PCDH12: variants seen among roughly 807,000 people sequenced by gnomAD.
The protein encoded by PCDH12 is protocadherin 12.
In PCDH12, 45 loss-of-function variants were observed where a neutral mutation model predicts 70.9. The observed-to-expected ratio is 0.63, with a 90% CI of 0.50 to 0.81. PCDH12 has a LOEUF of 0.81. Ranked by LOEUF, PCDH12 falls within the 40% of genes least tolerant of loss-of-function variation. PCDH12 has a pLI of 0.00. For missense variants in PCDH12, 1,370 were observed against 1,491.7 expected (o/e 0.92, Z 1.34); for synonymous variants, 567 against 626.0 (o/e 0.91, Z 1.41).
At position 141,953,475 on chromosome 5, in the gene PCDH12, G is replaced by C. The variant is rs975641536; in HGVS notation, c.2880+1497C>G. 2.0e-5 allele frequency: 3 copies of C among 152,326 alleles called. No individual in the cohort carries two copies. In the East Asian group the frequency reaches 5.8e-4, roughly 29 times the overall value. 9.4% of individuals were successfully genotyped at this position (152,326 alleles called of 1,614,324 possible). On this transcript the variant is annotated intron_variant, in intron 1 of 3. Coordinates refer to ENST00000231484, the MANE Select transcript of PCDH12 (RefSeq NM_016580.4). ...AGAGGTGGAATTGGAGGCTCACAGG[G>C]GCTACACAGAAATTAGTGGGAGGGC...
At chr5:141,945,856 G>T in intron 3 of PCDH12, 51 bp from the exon 4 acceptor site, 2 of 1,550,974 alleles carry the variant, frequency 1.3e-6, no homozygotes. Context: ...GGAAGGGCCA[G>T]GCGGGTGAGG....
intron 1 of PCDH12, chr5:141,952,890 A>C (rs1324044514): frequency 6.6e-6 from 1 of 152,218 alleles, no homozygotes; most frequent in African/African-American, 2.4e-5. Context: ...GAGGTCCACC[A>C]TGCCCCTCTG....
Position 141,958,139 on chromosome 5 carries a change from G to A in PCDH12, c.-288C>T. 2.4e-6 allele frequency: 1 copy of A among 412,072 alleles called. No homozygotes were observed. Among genetic ancestry groups the A allele is most frequent in the Non-Finnish European group, 4.4e-6 (1 of 229,050 alleles). 25.5% of individuals were successfully genotyped at this position (412,072 alleles called of 1,614,324 possible). A position where few individuals can be genotyped will look rare whatever the true frequency, so the allele number is the denominator to read the frequency against. ...CTTCAGCAAATGATGGACAAGAGCT[G>A]GTCTAAGAGGGACCTGACCCAGTTG... On this transcript the variant is annotated 5_prime_UTR_variant, in exon 1 of 4. Coordinates refer to ENST00000231484, the MANE Select transcript of PCDH12 (RefSeq NM_016580.4).
chr5:141,956,782 G>A lies in PCDH12; in HGVS notation c.1070C>T (p.Ala357Val), dbSNP rs781085245. The A allele has an allele frequency of 1.9e-6, 3 of 1,614,228 alleles. No individual in the cohort carries two copies. Among genetic ancestry groups the A allele is most frequent in the Middle Eastern group, 1.7e-4 (1 of 6,060 alleles). The change falls in exon 1 of 4, where the codon GCC (alanine) becomes GTC (valine). Residue 357 changes from alanine (A) to valine (V), a missense_variant. Ala to Val is a moderately conservative substitution (Grantham distance 64). Transcript: ENST00000231484. ...DNIPSIHVTW[A>V]SQPSLVSEAL... ...TTCTGACACCAGTGATGGCTGGGAGGCCCATGTGACGTGGATGCTTGGGAT... is the reference window on the plus strand; with the variant it reads ...TTCTGACACCAGTGATGGCTGGGAGACCCATGTGACGTGGATGCTTGGGAT...
chr5:141,945,841 C>A (rs1309782332), intron 3 of PCDH12, 36 bp from the exon 4 acceptor site: 7 of 1,588,134 alleles, frequency 4.4e-6, no homozygotes, highest in South Asian at 3.5e-5. Context: ...GAGGGCCAGG[C>A]TCCGGGAAGG....
intron 3 of PCDH12, among the ~76,000 whole-genome samples, chr5:141,949,065 T>A (rs1249107374): frequency 1.5e-5 from 2 of 129,360 alleles, no homozygotes; most frequent in African/African-American, 2.9e-5. Context: ...AAAAAAAAAA[T>A]CAAAAATTAG....
intron 3 of PCDH12, chr5:141,949,197 T>A (rs1434210543): frequency 5.1e-6 from 2 of 393,564 alleles, no homozygotes; most frequent in Non-Finnish European, 6.9e-6. Flanking sequence ...ATCATGCCAC[T>A]GTACTCCAGC....
In PCDH12 at chr5:141,945,723, G is replaced by A; in HGVS notation, c.3213C>T (p.Asp1071=). ...CTGCAGCATCCGGGGAGATCACATT[G>A]TCACGGTAGTTGGTGGTGAGGGGCA... The part of the protein sequence containing the change: ...LSLPLTTNYR[D]NVISPDAAAT... The change falls in exon 4 of 4, where the codon GAC becomes GAT. Residue 1071 remains aspartate, a synonymous_variant. Coordinates refer to ENST00000231484, the MANE Select transcript of PCDH12 (RefSeq NM_016580.4). 5 of 1,614,152 alleles carry A rather than the reference G, an allele frequency of 3.1e-6. No homozygotes were observed. The highest frequency in any genetic ancestry group is 4.2e-6 in the Non-Finnish European group (5 of 1,180,036).
In PCDH12 at chr5:141,949,597, C is replaced by T; in HGVS notation, c.2979-14G>A. 1 of 1,612,102 alleles carries T rather than the reference C, an allele frequency of 6.2e-7. No individual in the cohort carries two copies. The highest frequency in any genetic ancestry group is 8.5e-7 in the Non-Finnish European group (1 of 1,179,154). ...GGGATTGCACTCCTGCAAAAGAAAC[C>T]AACCAGTCCATGGGTAGGGACATTC... On this transcript the variant is annotated splice_polypyrimidine_tract_variant and intron_variant, in intron 2 of 3. Coordinates refer to ENST00000231484, the MANE Select transcript of PCDH12 (RefSeq NM_016580.4).
Position 141,955,565 on chromosome 5 carries a change from G to A in PCDH12, c.2287C>T (p.Pro763Ser). 6.2e-7 allele frequency: 1 copy of A among 1,614,180 alleles called. No homozygotes were observed. Among genetic ancestry groups the A allele is most frequent in the Non-Finnish European group, 8.5e-7 (1 of 1,180,034 alleles). Residue 763 changes from proline (P) to serine (S), a missense_variant, in exon 1 of 4, where the codon CCC (proline) becomes TCC (serine). Coordinates refer to ENST00000231484, the MANE Select transcript of PCDH12 (RefSeq NM_016580.4). The surrounding 1 kb of genome is among the most constrained non-coding windows in gnomAD (Gnocchi z 5.5). ...REAESTYRQQ[P>S]KRPQKHIQKA... Reference sequence around the variant, plus strand: ...TGAATGTGTTTCTGGGGCCTCTTGGGCTGCTGGCGGTAGGTGGACTCGGCC... The same window carrying A: ...TGAATGTGTTTCTGGGGCCTCTTGGACTGCTGGCGGTAGGTGGACTCGGCC...
In PCDH12 at chr5:141,957,167, A is replaced by G; in HGVS notation, c.685T>C (p.Leu229=). 6.2e-7 allele frequency: 1 copy of G among 1,614,184 alleles called. No homozygotes were observed. The highest frequency in any genetic ancestry group is 1.3e-5 in the African/African-American group (1 of 75,054). Reference sequence around the variant, plus strand: ...GAGTCCAAGACGTTGACCTTGACCAAGCTGGTACCTGACTTGGGGGGGTTC... The same window carrying G: ...GAGTCCAAGACGTTGACCTTGACCAGGCTGGTACCTGACTTGGGGGGGTTC... ...NGNPPKSGTS[L]VKVNVLDSND... is the part of the protein sequence containing the mutation. The change falls in exon 1 of 4, where the codon TTG becomes CTG. Residue 229 remains leucine, a synonymous_variant. Transcript: ENST00000231484. The surrounding 1 kb of genome is among the most constrained non-coding windows in gnomAD (Gnocchi z 4.3).
Position 141,945,146 on chromosome 5 carries a change from A to T in PCDH12, c.*235T>A, listed in dbSNP as rs867869657. 6 of 562,748 alleles carry T rather than the reference A, an allele frequency of 1.1e-5. No homozygotes were observed. Among genetic ancestry groups the T allele is most frequent in the African/African-American group, 1.9e-5 (1 of 53,160 alleles). The allele number at this position is 562,748 out of a possible 1,614,324, so 34.9% of individuals were successfully genotyped here. A position where few individuals can be genotyped will look rare whatever the true frequency, so the allele number is the denominator to read the frequency against. ...ACATATGTTTTGCCAGGAAACACTTATCTCAGCCACAAACCGTCCCTGTCC... is the reference window on the plus strand; with the variant it reads ...ACATATGTTTTGCCAGGAAACACTTTTCTCAGCCACAAACCGTCCCTGTCC... On this transcript the variant is annotated 3_prime_UTR_variant, in exon 4 of 4. Coordinates refer to ENST00000231484, the MANE Select transcript of PCDH12 (RefSeq NM_016580.4).
Position 141,958,142 on chromosome 5 carries a change from C to A in PCDH12, c.-291G>T. On this transcript the variant is annotated 5_prime_UTR_variant, in exon 1 of 4. Transcript: ENST00000231484. ...CAGCAAATGATGGACAAGAGCTGGT[C>A]TAAGAGGGACCTGACCCAGTTGAGC... 4.9e-6 allele frequency: 2 copies of A among 409,042 alleles called. No homozygotes were observed. The highest frequency in any genetic ancestry group is 7.6e-5 in the South Asian group (2 of 26,364). The allele number at this position is 409,042 out of a possible 1,614,324, so 25.3% of individuals were successfully genotyped here.
At position 141,945,416 on chromosome 5, in the gene PCDH12, T is replaced by TGCCG. The variant is rs1561531780; in HGVS notation, c.3519_3520insCGGC (p.Ser1174ArgfsTer40). 6.2e-7 allele frequency: 1 copy of TGCCG among 1,612,620 alleles called. No homozygotes were observed. Among genetic ancestry groups the TGCCG allele is most frequent in the Non-Finnish European group, 8.5e-7 (1 of 1,179,460 alleles). On this transcript the variant is annotated frameshift_variant, in exon 4 of 4. Coordinates refer to ENST00000231484, the MANE Select transcript of PCDH12 (RefSeq NM_016580.4). LOFTEE classifies it high-confidence loss of function. ...CTGCTGCTGCTGCTGCTGCCTCTGC[T>TGCCG]CTTGCCCTCAGTCCCCGTCTTTCCA...
rs1047420178 is a variant in PCDH12, at chr5:141,951,559, T to C, written c.2912A>G (p.Gln971Arg). The change falls in exon 2 of 4, where the codon CAG becomes CGG. Residue 971 changes from glutamine to arginine, a missense_variant. Physicochemically the swap from Gln to Arg is conservative, Grantham distance 43. Coordinates refer to ENST00000231484, the MANE Select transcript of PCDH12 (RefSeq NM_016580.4). Reference protein sequence around the residue: ...QISQLLSLLHQGQFQPKPNHR... With the variant: ...QISQLLSLLHRGQFQPKPNHR... ...GTTTGGTTTGGGCTGGAATTGGCCC[T>C]GATGCAGCAAGGACAGCAGCTGGGA... is the stretch of plus-strand genomic sequence containing the variant. 6.2e-7 allele frequency: 1 copy of C among 1,614,072 alleles called. No homozygotes were observed. Among genetic ancestry groups the C allele is most frequent in the African/African-American group, 1.3e-5 (1 of 74,940 alleles).
intron 1 of PCDH12, among the ~76,000 whole-genome samples, chr5:141,953,635 C>T (rs929503873): frequency 6.6e-6 from 1 of 152,230 alleles, no homozygotes; most frequent in Admixed American, 6.5e-5. Context: ...CCCACAGGGC[C>T]TATTCTCTGT....
rs759617346 is a variant in PCDH12, at chr5:141,956,285, G to T, written c.1567C>A (p.Leu523Met). Residue 523 changes from leucine (L) to methionine (M), a missense_variant, in exon 1 of 4, where the codon CTG (leucine) becomes ATG (methionine). Physicochemically the swap from Leu to Met is conservative, Grantham distance 15 (BLOSUM62 2). Transcript: ENST00000231484. ...NTGEVTAQRS[L>M]NYEEMAGFEF... ...AAGCCGGCCATCTCTTCATAGTTCA[G>T]TGACCTCTGAGCAGTGACCTCTCCT... 5 of 1,614,216 alleles carry T rather than the reference G, an allele frequency of 3.1e-6. No individual in the cohort carries two copies. In the South Asian group the frequency reaches 5.5e-5, roughly 18 times the overall value.
At position 141,955,034 on chromosome 5, in the gene PCDH12, C is replaced by G. The variant is rs1468767583; in HGVS notation, c.2818G>C (p.Val940Leu). 2 of 1,614,106 alleles carry G rather than the reference C, an allele frequency of 1.2e-6. No homozygotes were observed. The highest frequency in any genetic ancestry group is 1.7e-6 in the Non-Finnish European group (2 of 1,180,042). ...GGGTTCCGCTCGGCGAAGGCAGCCA[C>G]AGACAGCCGGACCAGGCTCCGCAGG... ...QILRSLVRLS[V>L]AAFAERNPVE... Residue 940 changes from valine to leucine, a missense_variant, in exon 1 of 4, where the codon GTG becomes CTG. Coordinates refer to ENST00000231484, the MANE Select transcript of PCDH12 (RefSeq NM_016580.4). The surrounding 1 kb of genome is among the most constrained non-coding windows in gnomAD (Gnocchi z 5.5).
Position 141,945,510 on chromosome 5 carries a change from G to C in PCDH12, c.3426C>G (p.Cys1142Trp). The change falls in exon 4 of 4, where the codon TGC becomes TGG. Residue 1142 changes from cysteine to tryptophan, a missense_variant. Physicochemically the swap from Cys to Trp is radical, Grantham distance 215. Transcript: ENST00000231484. ...ASEALRRLSV[C>W]GRTLSLDLAT... is the part of the protein sequence containing the mutation. The stretch of plus-strand genomic sequence containing the variant: ...CCAAGTCTAAACTGAGGGTCCTCCC[G>C]CAGACCGAGAGCCGCCGCAGCGCCT... 1 of 1,613,542 alleles carries C rather than the reference G, an allele frequency of 6.2e-7. No homozygotes were observed.
Sources: gnomAD v4.1 joint callset for allele counts (sites outside exome capture counted in the v4.1 genomes callset) on GRCh38, gnomAD v4.1.1 for gene constraint, Gnocchi (gnomAD v3.1) non-coding constraint, MANE v1.5 for transcripts, NCBI Gene and HGNC (gene_info 2026-07-23, HGNC 2026-07-21) for gene names.